PLCL1: variants seen among roughly 807,000 people sequenced by gnomAD.
PLCL1 encodes phospholipase C like 1 (inactive), also known as inactive phospholipase C-like protein 1.
PLCL1 carries 41 observed loss-of-function variants against 84.4 expected under a neutral mutation model. That is an observed-to-expected ratio of 0.49 (90% CI 0.38 to 0.63). The LOEUF (loss-of-function observed/expected upper bound fraction) is 0.63. Among genes scored for constraint, PLCL1 ranks in the 30% least tolerant of loss-of-function variants. The pLI is 0.00. For missense variants in PLCL1, 1,206 were observed against 1,367.8 expected, an observed-to-expected ratio of 0.88 and a Z score of 1.87; for synonymous variants, 490 against 488.3, an observed-to-expected ratio of 1.00 and a Z score of -0.05.
At chr2:197,979,722 A>G (rs1690065229) in intron 1 of PLCL1, among the ~76,000 whole-genome samples, 1 of 152,122 alleles carries the variant, frequency 6.6e-6, no homozygotes, top group South Asian at 2.1e-4. Flanking sequence ...CCCCAGCCAC[A>G]TTGAGATTTT....
chr2:198,142,523 C>T (rs1392492835), intron 5 of PLCL1, among the ~76,000 whole-genome samples: 1 of 152,002 alleles, frequency 6.6e-6, no homozygotes, highest in Non-Finnish European at 1.5e-5. Flanking sequence ...ATAAGGAATG[C>T]TTAATGTTTG....
At chr2:198,048,653 G>T (rs1212710449) in intron 1 of PLCL1, among the ~76,000 whole-genome samples, 1 of 152,162 alleles carries the variant, frequency 6.6e-6, no homozygotes, top group Non-Finnish European at 1.5e-5. Flanking sequence ...TCAACAATCA[G>T]ATCTCATGTG....
chr2:197,924,713 G>C (rs545399966), intron 1 of PLCL1, among the ~76,000 whole-genome samples: 2 of 152,036 alleles, frequency 1.3e-5, no homozygotes, highest in African/African-American at 4.8e-5. Flanking sequence ...GAGAGCAACA[G>C]TTGAATTTAG....
chr2:198,145,621 A>G (rs1417039907), intron 5 of PLCL1, among the ~76,000 whole-genome samples: 2 of 152,216 alleles, frequency 1.3e-5, no homozygotes, highest in Admixed American at 6.5e-5. Context: ...AAGCCCAACT[A>G]TTTAATCATC....
At chr2:197,910,072 G>A (rs140721183) in intron 1 of PLCL1, among the ~76,000 whole-genome samples, 1 of 152,284 alleles carries the variant, frequency 6.6e-6, no homozygotes, top group African/African-American at 2.4e-5. Context: ...GTAAACTGGG[G>A]TTAACCATGC....
intron 1 of PLCL1, among the ~76,000 whole-genome samples, chr2:197,860,172 T>C (rs1013734536): frequency 6.6e-6 from 1 of 152,136 alleles, no homozygotes; most frequent in Non-Finnish European, 1.5e-5. Context: ...TAATGTCTTC[T>C]AGCTCCATTA....
chr2:197,918,053 C>T (rs1688629724), intron 1 of PLCL1, among the ~76,000 whole-genome samples: 1 of 152,150 alleles, frequency 6.6e-6, no homozygotes, highest in African/African-American at 2.4e-5. Context: ...AAAAACTAGC[C>T]AGGTGAGCAA....
At position 198,043,292 on chromosome 2, in the gene PLCL1, C is replaced by A. The variant is rs540222225; in HGVS notation, c.241-40466C>A. Among the ~76,000 whole-genome samples the A allele has an allele frequency of 2.0e-5, 3 of 152,298 alleles. No individual in the cohort carries two copies. The South Asian group carries it at 6.2e-4, about 32-fold the overall frequency. ...AGAAATGTGTAATGTTGGAGAAAGA[C>A]TTTAGTTTCAGGACAGTTCAGATAT... On this transcript the variant is annotated intron_variant, in intron 1 of 5. Coordinates refer to ENST00000428675, the MANE Select transcript of PLCL1 (RefSeq NM_006226.4).
chr2:197,939,092 G>A (rs1360462168), intron 1 of PLCL1, among the ~76,000 whole-genome samples: 1 of 152,120 alleles, frequency 6.6e-6, no homozygotes, highest in Admixed American at 6.6e-5. Context: ...TATCTCCAGT[G>A]GGAGTTCTTA....
At chr2:197,820,656 T>C (rs1472055815) in intron 1 of PLCL1, among the ~76,000 whole-genome samples, 1 of 152,102 alleles carries the variant, frequency 6.6e-6, no homozygotes, top group African/African-American at 2.4e-5. Context: ...TTAAATAAGA[T>C]AAAAAGTTGA....
At chr2:197,934,298 T>C (rs1404886395) in intron 1 of PLCL1, among the ~76,000 whole-genome samples, 4 of 152,216 alleles carry the variant, frequency 2.6e-5, no homozygotes. Flanking sequence ...GGGGATGATA[T>C]ATAATATGAT....
Position 198,143,052 on chromosome 2 carries a change from C to T in PLCL1, c.3106-3728C>T, listed in dbSNP as rs1268230700. ...GGTTCCTCCTCTTCCCTTAAGACCT[C>T]TGTTTAGGGAGAATAAGATTAAAAC... On this transcript the variant is annotated intron_variant, in intron 5 of 5. Transcript: ENST00000428675. Among the ~76,000 whole-genome samples the T allele has an allele frequency of 2.0e-5, 3 of 152,144 alleles. No individual in the cohort carries two copies. The East Asian group carries it at 5.8e-4, about 29-fold the overall frequency.
chr2:198,106,015 T>C (rs1386454918), intron 5 of PLCL1, among the ~76,000 whole-genome samples: 51 of 151,912 alleles, frequency 3.4e-4, no homozygotes, highest in Admixed American at 3.3e-3. Context: ...ATTGCTGACA[T>C]TTAAAGAACA....
Position 198,085,391 on chromosome 2 carries a change from A to G in PLCL1, c.1874A>G (p.Asn625Ser). ...GAAACAGAGGCCAGCCGCATTGCAA[A>G]TGAGTACCCAGAGGATTTTGTTAAT... ...FSETEASRIANEYPEDFVNYN... is the reference protein window; with the variant it reads ...FSETEASRIASEYPEDFVNYN... The change falls in exon 2 of 6, where the codon AAT becomes AGT. Residue 625 changes from asparagine to serine, a missense_variant. By Grantham distance (46) the Asn-to-Ser change is conservative. Transcript: ENST00000428675. The surrounding 1 kb of genome is among the most constrained non-coding windows in gnomAD (Gnocchi z 5.3). 1 of 1,611,804 alleles carries G rather than the reference A, an allele frequency of 6.2e-7. No homozygotes were observed. Among genetic ancestry groups the G allele is most frequent in the Non-Finnish European group, 8.5e-7 (1 of 1,178,180 alleles).
chr2:197,994,823 A>G (rs911029212), intron 1 of PLCL1, among the ~76,000 whole-genome samples: 2 of 152,218 alleles, frequency 1.3e-5, no homozygotes, highest in African/African-American at 4.8e-5. Flanking sequence ...TTAGTTTAGA[A>G]TAAACCTCTA....
At chr2:197,866,951 T>G (rs1326481261) in intron 1 of PLCL1, among the ~76,000 whole-genome samples, 1 of 152,150 alleles carries the variant, frequency 6.6e-6, no homozygotes, top group Non-Finnish European at 1.5e-5. Context: ...AAAGGCATCA[T>G]TCATAAAGCT....
At chr2:198,123,063 T>C (rs969200595) in intron 5 of PLCL1, among the ~76,000 whole-genome samples, 2 of 152,050 alleles carry the variant, frequency 1.3e-5, no homozygotes, top group Non-Finnish European at 2.9e-5. Flanking sequence ...CTGTTTCATA[T>C]ACAATGAATG....
intron 1 of PLCL1, among the ~76,000 whole-genome samples, chr2:197,994,045 G>T (rs1364571410): frequency 6.6e-6 from 1 of 152,142 alleles, no homozygotes; most frequent in Non-Finnish European, 1.5e-5. Context: ...GTGTGAGTTA[G>T]TCGCCATTCC....
chr2:197,812,885 G>A (rs1457759852), intron 1 of PLCL1, among the ~76,000 whole-genome samples: 1 of 152,128 alleles, frequency 6.6e-6, no homozygotes. Flanking sequence ...TAGAAAGCTA[G>A]ACCTGACCAT....
Sources: gnomAD v4.1 joint callset for allele counts (sites outside exome capture counted in the v4.1 genomes callset) on GRCh38, gnomAD v4.1.1 for gene constraint, Gnocchi (gnomAD v3.1) non-coding constraint, MANE v1.5 for transcripts, NCBI Gene and HGNC (gene_info 2026-07-23, HGNC 2026-07-21) for gene names.